LRRTM4: variants seen among roughly 807,000 people sequenced by gnomAD.
LRRTM4 encodes the protein leucine-rich repeat transmembrane neuronal protein 4.
LRRTM4 carries 25 observed loss-of-function variants against 47.6 expected under a neutral mutation model. The ratio of observed to expected loss-of-function variants is 0.53; its 90% CI spans 0.38 to 0.73. LRRTM4 has a LOEUF of 0.73. Ranked by LOEUF, LRRTM4 falls within the 30% of genes least tolerant of loss-of-function variation. The pLI is 0.00. For missense variants in LRRTM4, 638 were observed against 713.4 expected (o/e 0.89, Z 1.20); for synonymous variants, 311 against 269.5 (o/e 1.15, Z -1.51).
At chr2:77,109,216 C>A (rs538495913) in intron 3 of LRRTM4, among the ~76,000 whole-genome samples, 11 of 152,148 alleles carry the variant, frequency 7.2e-5, no homozygotes, top group Middle Eastern at 3.4e-3. Flanking sequence ...ATTTTAATGA[C>A]TACCAAATTC....
intron 3 of LRRTM4, among the ~76,000 whole-genome samples, chr2:76,786,658 A>G (rs1674690473): frequency 6.6e-6 from 1 of 152,144 alleles, no homozygotes. Context: ...GGAGGTACAG[A>G]TGCATTCAGA....
rs112475452 is a variant in LRRTM4, at chr2:77,483,793, A to G, written c.1551+34525T>C. Reference sequence around the variant, plus strand: ...ATTAAAAAACCAACTTCATCTACCTATTAGATTTTACTGCCACCAATTTTG... The same window carrying G: ...ATTAAAAAACCAACTTCATCTACCTGTTAGATTTTACTGCCACCAATTTTG... On this transcript the variant is annotated intron_variant, in intron 3 of 3. Transcript: ENST00000409884. Among the ~76,000 whole-genome samples the G allele has an allele frequency of 7.8e-4, 119 of 152,274 alleles. 1 individual carries two copies. The highest frequency in any genetic ancestry group is 2.6e-3 in the African/African-American group (107 of 41,596).
chr2:77,033,020 G>A (rs965214850), intron 3 of LRRTM4, among the ~76,000 whole-genome samples: 1 of 151,948 alleles, frequency 6.6e-6, no homozygotes, highest in African/African-American at 2.4e-5. Context: ...AGCACACAGG[G>A]AATAAGAAAG....
chr2:77,193,444 T>C (rs1406031855), intron 3 of LRRTM4, among the ~76,000 whole-genome samples: 2 of 152,202 alleles, frequency 1.3e-5, no homozygotes, highest in African/African-American at 2.4e-5. Context: ...TTCACAATTC[T>C]TGTATTTAAG....
At chr2:76,994,652 A>C (rs1447560585) in intron 3 of LRRTM4, among the ~76,000 whole-genome samples, 2 of 152,136 alleles carry the variant, frequency 1.3e-5, no homozygotes, top group Admixed American at 1.3e-4. Context: ...ATATTATGAA[A>C]TATTAGCTTT....
chr2:76,890,633 A>G (rs1157578251), intron 3 of LRRTM4, among the ~76,000 whole-genome samples: 1 of 152,054 alleles, frequency 6.6e-6, no homozygotes, highest in Non-Finnish European at 1.5e-5. Context: ...TATTACAATA[A>G]ACTGCATAAA....
intron 3 of LRRTM4, among the ~76,000 whole-genome samples, chr2:77,023,224 C>G (rs2104110482): frequency 6.6e-6 from 1 of 152,322 alleles, no homozygotes; most frequent in East Asian, 1.9e-4. Flanking sequence ...TGCAGGGCAC[C>G]ATGTCCCTAG....
chr2:77,407,657 A>T (rs189269300), intron 3 of LRRTM4, among the ~76,000 whole-genome samples: 13,261 of 140,568 alleles, frequency 0.094, 990 homozygotes, highest in African/African-American at 0.2. Flanking sequence ...ATATTATATA[A>T]TTATATATAA....
At chr2:76,985,010 T>C (rs1229144181) in intron 3 of LRRTM4, among the ~76,000 whole-genome samples, 1 of 152,036 alleles carries the variant, frequency 6.6e-6, no homozygotes, top group African/African-American at 2.4e-5. Context: ...GACAGCATTC[T>C]AGACATTCAA....
chr2:77,437,575 A>G lies in LRRTM4; in HGVS notation c.1551+80743T>C, dbSNP rs557214586. Among the ~76,000 whole-genome samples, 187 of 152,244 alleles carry G rather than the reference A, an allele frequency of 1.2e-3. 1 individual carries two copies. Among genetic ancestry groups the G allele is most frequent in the African/African-American group, 4.4e-3 (185 of 41,596 alleles). On this transcript the variant is annotated intron_variant, in intron 3 of 3. Transcript: ENST00000409884. ...AAGTATACTTCGAGTAAGAACATTT[A>G]ACTCACTAGATAAGTGTAAAACATT...
intron 3 of LRRTM4, among the ~76,000 whole-genome samples, chr2:76,799,895 G>C (rs2103764092): frequency 6.7e-6 from 1 of 150,092 alleles, no homozygotes; most frequent in African/African-American, 2.5e-5. Context: ...CAACTTACAA[G>C]GGATGAGAAG....
At chr2:77,024,902 T>C (rs536014669) in intron 3 of LRRTM4, among the ~76,000 whole-genome samples, 2 of 152,006 alleles carry the variant, frequency 1.3e-5, no homozygotes, top group African/African-American at 4.8e-5. Flanking sequence ...TAATTGATAA[T>C]GTGGATAATA....
At chr2:76,888,411 A>T (rs1463301662) in intron 3 of LRRTM4, among the ~76,000 whole-genome samples, 2 of 151,554 alleles carry the variant, frequency 1.3e-5, no homozygotes, top group African/African-American at 4.8e-5. Flanking sequence ...TAGACATCTG[A>T]AAAGTCATAT....
At chr2:77,153,337 G>T (rs952526503) in intron 3 of LRRTM4, among the ~76,000 whole-genome samples, 1 of 152,094 alleles carries the variant, frequency 6.6e-6, no homozygotes, top group East Asian at 1.9e-4. Flanking sequence ...ATACTCAAAG[G>T]CAAAGCTGCC....
At chr2:76,914,064 T>C (rs1674162112) in intron 3 of LRRTM4, among the ~76,000 whole-genome samples, 1 of 151,794 alleles carries the variant, frequency 6.6e-6, no homozygotes, top group South Asian at 2.1e-4. Context: ...CAGCAAAGTT[T>C]GAAAGTATTA....
At chr2:77,142,824 G>C (rs180765130) in intron 3 of LRRTM4, among the ~76,000 whole-genome samples, 22 of 152,186 alleles carry the variant, frequency 1.4e-4, no homozygotes, top group Middle Eastern at 6.8e-3. Context: ...TAATGCACGG[G>C]TTTGCTTTTT....
intron 3 of LRRTM4, among the ~76,000 whole-genome samples, chr2:77,292,114 T>A (rs200612440): frequency 6.6e-6 from 1 of 151,872 alleles, no homozygotes; most frequent in East Asian, 1.9e-4. Flanking sequence ...CATCACTGGC[T>A]ATCAGAGAAA....
chr2:77,452,182 T>C (rs1676280497), intron 3 of LRRTM4, among the ~76,000 whole-genome samples: 2 of 152,228 alleles, frequency 1.3e-5, no homozygotes, highest in South Asian at 4.1e-4. Context: ...TTTACAATTC[T>C]GTGGAGACCA....
intron 3 of LRRTM4, among the ~76,000 whole-genome samples, chr2:76,894,389 T>C (rs757227278): frequency 2.0e-5 from 3 of 152,088 alleles, no homozygotes; most frequent in Non-Finnish European, 4.4e-5. Flanking sequence ...TAATCTACTA[T>C]ATCTAGCTAA....
Sources: gnomAD v4.1 joint callset for allele counts (sites outside exome capture counted in the v4.1 genomes callset) on GRCh38, gnomAD v4.1.1 for gene constraint, MANE v1.5 for transcripts, NCBI Gene and HGNC (gene_info 2026-07-23, HGNC 2026-07-21) for gene names.